CHTF18: variants seen among roughly 807,000 people sequenced by gnomAD.
CHTF18 encodes the protein chromosome transmission fidelity protein 18 homolog.
A neutral mutation model predicts 113.4 loss-of-function variants in CHTF18; 151 were observed. The observed-to-expected ratio is 1.33, with a 90% confidence interval of 1.17 to 1.52. The LOEUF is 1.52. CHTF18 is among the 40% of genes most tolerant of loss of function. The probability of loss-of-function intolerance (pLI) is 0.00; values close to 1 mark genes in which losing one functional copy is unlikely to be tolerated. For synonymous variants in CHTF18, 916 were observed against 598.8 expected, an observed-to-expected ratio of 1.53 and a Z score of -7.74; for missense variants, 1,982 against 1,381.6, an observed-to-expected ratio of 1.43 and a Z score of -6.89.
At chr16:792,111 G>T (rs2042213126) in intron 9 of CHTF18, 113 bp from the exon 10 acceptor site, 2 of 1,526,826 alleles carry the variant, frequency 1.3e-6, no homozygotes, top group Non-Finnish European at 1.8e-6. Flanking sequence ...CACGGGATCG[G>T]CAGCAGCCGC....
chr16:789,268 G>A lies in CHTF18; in HGVS notation c.345G>A (p.Glu115=), dbSNP rs1159548404. Residue 115 remains glutamate, a synonymous_variant, in exon 3 of 22, where the codon GAG becomes GAA. Transcript: ENST00000262315. ...TCAAGAGGCTGAACTTCAGATCGGA[G>A]GAGATGGAGGAGCCGCCCCCTCCCG... ...QVVKRLNFRS[E]EMEEPPPPDS... 1 of 1,568,124 alleles carries A rather than the reference G, an allele frequency of 6.4e-7. No individual in the cohort carries two copies. The highest frequency in any genetic ancestry group is 8.6e-7 in the Non-Finnish European group (1 of 1,157,778).
At chr16:790,913 C>T (rs939358869) in intron 7 of CHTF18, 204 of 1,432,814 alleles carry the variant, frequency 1.4e-4, no homozygotes, top group Non-Finnish European at 1.8e-4. Context: ...CCTTTCCTAC[C>T]TTCACAGCAG....
At chr16:795,441 CCG>C (rs2042312531) in intron 16 of CHTF18, 85 bp downstream of exon 16, 1 of 691,512 alleles carries the variant, frequency 1.4e-6, no homozygotes, top group Non-Finnish European at 2.2e-6. Flanking sequence ...GGCCCCGTGC[CCG>C]CCCCCCCAAA....
In CHTF18 at chr16:794,141, G is replaced by T; in HGVS notation, c.1890G>T (p.Gln630His). 2 of 1,612,512 alleles carry T rather than the reference G, an allele frequency of 1.2e-6. No homozygotes were observed. The highest frequency in any genetic ancestry group is 2.2e-5 in the South Asian group (2 of 91,082). ...GDAGSLTSAS[Q>H]RFYRVLHAAA... Reference sequence around the variant, plus strand: ...CGGGCTCCCTCACCTCCGCCTCACAGCGATTCTACCGTGTCCTGCATGCCG... The same window carrying T: ...CGGGCTCCCTCACCTCCGCCTCACATCGATTCTACCGTGTCCTGCATGCCG... Residue 630 changes from glutamine (Q) to histidine (H), a missense_variant, in exon 15 of 22, where the codon CAG (glutamine) becomes CAT (histidine). By Grantham distance (24) the Gln-to-His change is conservative. Coordinates refer to ENST00000262315, the MANE Select transcript of CHTF18 (RefSeq NM_022092.3).
chr16:791,866 G>A lies in CHTF18; in HGVS notation c.1120G>A (p.Gly374Arg), dbSNP rs2042205724. ...TGGGCTGCAGGTGGCACTGCTCTGTGGGCCCCCGGGGCTGGGGAAGACCAC... is the reference window on the plus strand; with the variant it reads ...TGGGCTGCAGGTGGCACTGCTCTGTAGGCCCCCGGGGCTGGGGAAGACCAC... ...RPKQKVALLC[G>R]PPGLGKTTLA... Residue 374 changes from glycine to arginine, a missense_variant, in exon 9 of 22, where the codon GGG (glycine) becomes AGG (arginine). Physicochemically the swap from Gly to Arg is moderately radical, Grantham distance 125 (BLOSUM62 -2). Transcript: ENST00000262315. The A allele has an allele frequency of 6.2e-7, 1 of 1,606,442 alleles. No individual in the cohort carries two copies. Among genetic ancestry groups the A allele is most frequent in the African/African-American group, 1.3e-5 (1 of 74,846 alleles).
intron 7 of CHTF18, 127 bp downstream of exon 7, chr16:790,793 C>G: frequency 1.4e-6 from 2 of 1,436,342 alleles, no homozygotes; most frequent in Non-Finnish European, 9.1e-7. Flanking sequence ...CTGGTTTGCC[C>G]TTTTGAGTTG....
At chr16:792,616 T>G in intron 11 of CHTF18, 26 bp downstream of exon 11, 3 of 1,591,582 alleles carry the variant, frequency 1.9e-6, no homozygotes, top group Non-Finnish European at 1.7e-6. Flanking sequence ...GGCGCCACAG[T>G]CAGGAGAGGC....
Position 798,026 on chromosome 16 carries a change from A to G in CHTF18, c.*51A>G, listed in dbSNP as rs968242307. ...GCATTGCTTCCCGCAGAGTGCAGAGACAGGAAGCTGGAGATGTCTTTATAA... is the reference window on the plus strand; with the variant it reads ...GCATTGCTTCCCGCAGAGTGCAGAGGCAGGAAGCTGGAGATGTCTTTATAA... On this transcript the variant is annotated 3_prime_UTR_variant, in exon 22 of 22. Transcript: ENST00000262315. The G allele has an allele frequency of 7.0e-6, 11 of 1,573,702 alleles. No homozygotes were observed. The highest frequency in any genetic ancestry group is 9.5e-6 in the Non-Finnish European group (11 of 1,158,674).
Position 788,647 on chromosome 16 carries a change from C to T in CHTF18, c.-38C>T. 4.1e-6 allele frequency: 6 copies of T among 1,453,562 alleles called. No homozygotes were observed. Among genetic ancestry groups the T allele is most frequent in the Non-Finnish European group, 5.5e-6 (6 of 1,096,432 alleles). The allele number at this position is 1,453,562 out of a possible 1,614,324, so 90.0% of individuals were successfully genotyped here. On this transcript the variant is annotated 5_prime_UTR_variant, in exon 1 of 22. Coordinates refer to ENST00000262315, the MANE Select transcript of CHTF18 (RefSeq NM_022092.3). ...GCAGTGCGCGACGGCGGCGGCGGCG[C>T]GGGAGGTTCGGAGCGGGAGCTCGGG...
intron 3 of CHTF18, 54 bp downstream of exon 3, chr16:789,414 G>A: frequency 2.6e-6 from 4 of 1,539,606 alleles, no homozygotes; most frequent in Non-Finnish European, 3.5e-6. Context: ...GGACTCAGAT[G>A]GAGCCCATCC....
At position 789,817 on chromosome 16, in the gene CHTF18, T is replaced by C. The variant is rs376578466; in HGVS notation, c.606+102T>C. On this transcript the variant is annotated intron_variant, in intron 4 of 21. Coordinates refer to ENST00000262315, the MANE Select transcript of CHTF18 (RefSeq NM_022092.3). Reference sequence around the variant, plus strand: ...TGCCATTTGCTTAAAGCGGGTCCTGTGCAGAGCCCCAGGGGTGCAGAGGGG... The same window carrying C: ...TGCCATTTGCTTAAAGCGGGTCCTGCGCAGAGCCCCAGGGGTGCAGAGGGG... The C allele has an allele frequency of 1.6e-4, 229 of 1,399,460 alleles. No homozygotes were observed. In the African/African-American group the frequency reaches 3.0e-3, roughly 18 times the overall value. 86.7% of individuals were successfully genotyped at this position (1,399,460 alleles called of 1,614,324 possible).
intron 14 of CHTF18, chr16:793,811 A>G: frequency 1.5e-6 from 1 of 649,790 alleles, no homozygotes; most frequent in Non-Finnish European, 2.8e-6. Flanking sequence ...GGGTCCCCTA[A>G]CCCCAGAGGG....
Position 795,206 on chromosome 16 carries a change from G to A in CHTF18, c.2025G>A (p.Trp675Ter). ...SLGAVCVALD[W>*]LAFDDLLAGA... is the part of the protein sequence containing the mutation. ...GTGCTGTGTGTGTGGCCCTCGACTG[G>A]CTGGCCTTCGATGACCTGCTGGCGG... The change falls in exon 16 of 22, where the codon TGG becomes TGA. Residue 675 changes from tryptophan (W) to a stop codon, truncating the protein, a stop_gained. Coordinates refer to ENST00000262315, the MANE Select transcript of CHTF18 (RefSeq NM_022092.3). LOFTEE classifies it high-confidence loss of function. The A allele has an allele frequency of 6.4e-7, 1 of 1,555,898 alleles. No homozygotes were observed. The highest frequency in any genetic ancestry group is 1.4e-5 in the African/African-American group (1 of 73,386).
chr16:790,809 G>A, intron 7 of CHTF18, 143 bp downstream of exon 7: 2 of 1,435,390 alleles, frequency 1.4e-6, no homozygotes, highest in East Asian at 2.5e-5. Flanking sequence ...AGTTGTAGGT[G>A]GTGAACTGAG....
rs1274598956 is a variant in CHTF18 at position 791,558 on chromosome 16, CTGAAGGGCTCTG to C, written c.1104+189_1104+200del. 11 of 1,434,836 alleles carry C rather than the reference CTGAAGGGCTCTG, an allele frequency of 7.7e-6. No homozygotes were observed. In the Admixed American group the frequency reaches 3.1e-4, roughly 41 times the overall value. The allele number at this position is 1,434,836 out of a possible 1,614,324, so 88.9% of individuals were successfully genotyped here. A position where few individuals can be genotyped will look rare whatever the true frequency, so the allele number is the denominator to read the frequency against. The stretch of plus-strand genomic sequence containing the variant: ...AACAACTCGGGGGAAGTCGTTGTCC[CTGAAGGGCTCTG>C]CGGCTGGCCAGGATGATCTGGGTGG... On this transcript the variant is annotated intron_variant, in intron 8 of 21. Transcript: ENST00000262315.
chr16:790,188 C>G lies in CHTF18; in HGVS notation c.618C>G (p.Leu206=). ...TCCCTTCCCCACAGGGCTCTCTCCT[C>G]CACGTCCCATGGCGAGGCGGTGGCC... ...PMAPGVQGSL[L]HVPWRGGGQL... Residue 206 remains leucine, a synonymous_variant, in exon 5 of 22, where the codon CTC becomes CTG. Transcript: ENST00000262315. 5 of 1,599,782 alleles carry G rather than the reference C, an allele frequency of 3.1e-6. No individual in the cohort carries two copies. The highest frequency in any genetic ancestry group is 1.7e-4 in the Middle Eastern group (1 of 6,050).
intron 21 of CHTF18, 30 bp downstream of exon 21, chr16:797,781 G>C: frequency 3.1e-6 from 5 of 1,600,030 alleles, no homozygotes; most frequent in Non-Finnish European, 4.3e-6. Context: ...GGGGTTGTGG[G>C]GGGCCTGGGG....
chr16:795,003 A>G, intron 15 of CHTF18, 129 bp from the exon 16 acceptor site: 1 of 718,232 alleles, frequency 1.4e-6, no homozygotes, highest in Non-Finnish European at 2.3e-6. Context: ...ACCCTTGTGG[A>G]GGGTCTGCGA....
chr16:795,666 G>C lies in CHTF18; in HGVS notation c.2176-19G>C. 1.9e-6 allele frequency: 3 copies of C among 1,551,918 alleles called. No homozygotes were observed. The highest frequency in any genetic ancestry group is 2.6e-6 in the Non-Finnish European group (3 of 1,150,062). ...CGGGAGGCCCAGGTGACCAGGCCTT[G>C]GCTCACCCCCTGCCCCAGGCCCAGA... On this transcript the variant is annotated intron_variant, in intron 16 of 21. Transcript: ENST00000262315.
Sources: gnomAD v4.1 joint callset for allele counts on GRCh38, gnomAD v4.1.1 for gene constraint, MANE v1.5 for transcripts, NCBI Gene and HGNC (gene_info 2026-07-23, HGNC 2026-07-21) for gene names.